TATDN3: variants seen among roughly 807,000 people sequenced by gnomAD.
The protein encoded by TATDN3 is deoxyribonuclease TATDN3.
TATDN3 carries 29 observed loss-of-function variants against 40.1 expected under a neutral mutation model. That is an observed-to-expected ratio of 0.72 (90% CI 0.54 to 0.99). TATDN3 has a LOEUF of 0.99. TATDN3 is among the 50% of genes least tolerant of loss of function. The probability of loss-of-function intolerance (pLI) is 0.00; values close to 1 mark genes in which losing one functional copy is unlikely to be tolerated. For missense variants in TATDN3, 309 were observed against 321.9 expected (o/e 0.96, Z 0.31); for synonymous variants, 105 against 117.0 (o/e 0.90, Z 0.66).
chr1:212,813,027 ATG>A (rs1558088319), intron 9 of TATDN3, among the ~76,000 whole-genome samples: 2 of 152,198 alleles, frequency 1.3e-5, no homozygotes, highest in East Asian at 3.9e-4. Flanking sequence ...AGAAAAGATT[ATG>A]GTAAGTATTA....
At chr1:212,802,422 C>T (rs1413756773) in intron 4 of TATDN3, among the ~76,000 whole-genome samples, 1 of 152,176 alleles carries the variant, frequency 6.6e-6, no homozygotes, top group Non-Finnish European at 1.5e-5. Flanking sequence ...TCCTAAATGT[C>T]AGGAAATACC....
intron 8 of TATDN3, among the ~76,000 whole-genome samples, chr1:212,809,469 G>A (rs921565916): frequency 1.6e-4 from 24 of 152,192 alleles, no homozygotes; most frequent in African/African-American, 5.1e-4. Context: ...CAGATCACGA[G>A]GTCAGGAGAT....
chr1:212,807,266 T>C (rs1662599188), intron 7 of TATDN3, among the ~76,000 whole-genome samples: 1 of 151,992 alleles, frequency 6.6e-6, no homozygotes, highest in Non-Finnish European at 1.5e-5. Context: ...ATTAGTTTAT[T>C]TTTTGAGACA....
At chr1:212,809,207 A>G (rs1662715953) in intron 8 of TATDN3, among the ~76,000 whole-genome samples, 1 of 152,182 alleles carries the variant, frequency 6.6e-6, no homozygotes, top group African/African-American at 2.4e-5. Flanking sequence ...GGTTTCCAGA[A>G]TTTTGAGGGG....
chr1:212,816,526 A>G lies in TATDN3; in HGVS notation c.*1370A>G, dbSNP rs527738998. ...ATATGTAGTTTAACAGGTGTGGTCA[A>G]TATCAAAACTTAGGTATTTAATCTT... On this transcript the variant is annotated 3_prime_UTR_variant, in exon 10 of 10. Coordinates refer to ENST00000366974, the MANE Select transcript of TATDN3 (RefSeq NM_001042552.3). 151 of 152,344 alleles carry G rather than the reference A, an allele frequency of 9.9e-4. No individual in the cohort carries two copies. Among genetic ancestry groups the G allele is most frequent in the African/African-American group, 3.2e-3 (134 of 41,580 alleles). The allele number at this position is 152,344 out of a possible 1,614,324, so 9.4% of individuals were successfully genotyped here. A position where few individuals can be genotyped will look rare whatever the true frequency, so the allele number is the denominator to read the frequency against.
At chr1:212,810,867 T>C (rs1217384727) in intron 8 of TATDN3, among the ~76,000 whole-genome samples, 1 of 152,180 alleles carries the variant, frequency 6.6e-6, no homozygotes, top group East Asian at 1.9e-4. Flanking sequence ...TCATTTTTGC[T>C]ATGGTTACTA....
chr1:212,795,044 A>G, intron 1 of TATDN3, 51 bp from the exon 2 acceptor site: 1 of 1,449,434 alleles, frequency 6.9e-7, no homozygotes, highest in Non-Finnish European at 9.7e-7. Flanking sequence ...ACAGTCCAAG[A>G]TTAGCTGCTT....
intron 2 of TATDN3, among the ~76,000 whole-genome samples, chr1:212,795,739 A>G (rs1661714248): frequency 6.6e-6 from 1 of 152,188 alleles, no homozygotes; most frequent in South Asian, 2.1e-4. Flanking sequence ...AGTGTTTGCT[A>G]CATGCCAGGT....
At chr1:212,803,522 T>C (rs1662288188) in intron 5 of TATDN3, among the ~76,000 whole-genome samples, 1 of 152,002 alleles carries the variant, frequency 6.6e-6, no homozygotes, top group Admixed American at 6.6e-5. Context: ...ATAAATTCCA[T>C]TTTTAATTAG....
chr1:212,800,310 T>C (rs1212024218), intron 4 of TATDN3, among the ~76,000 whole-genome samples: 3 of 151,842 alleles, frequency 2.0e-5, no homozygotes, highest in Admixed American at 6.6e-5. Context: ...GGCATTAATA[T>C]AGAATTGATT....
chr1:212,795,486 G>A (rs940284722), intron 2 of TATDN3, among the ~76,000 whole-genome samples: 2 of 152,076 alleles, frequency 1.3e-5, no homozygotes, highest in African/African-American at 4.8e-5. Flanking sequence ...GGCCAGGCTG[G>A]TCTTGAACTC....
At chr1:212,799,009 T>C (rs1190380857) in intron 4 of TATDN3, among the ~76,000 whole-genome samples, 1 of 152,226 alleles carries the variant, frequency 6.6e-6, no homozygotes, top group Non-Finnish European at 1.5e-5. Context: ...GCAACCTGAA[T>C]GCTACAAAGG....
chr1:212,801,513 A>G (rs938043244), intron 4 of TATDN3, among the ~76,000 whole-genome samples: 27 of 152,196 alleles, frequency 1.8e-4, no homozygotes, highest in African/African-American at 6.5e-4. Flanking sequence ...TAGGTAATAC[A>G]TATTCCAAGA....
intron 4 of TATDN3, chr1:212,797,474 T>G (rs1268553243): frequency 3.1e-6 from 1 of 320,280 alleles, no homozygotes; most frequent in Non-Finnish European, 5.8e-6. Context: ...TTATAGCACA[T>G]GGAAAATACT....
intron 3 of TATDN3, 70 bp from the exon 4 acceptor site, chr1:212,797,042 T>C: frequency 8.0e-7 from 1 of 1,243,750 alleles, no homozygotes; most frequent in Non-Finnish European, 1.2e-6. Flanking sequence ...GACCTCTACT[T>C]ATTCTTTAGA....
At chr1:212,798,363 A>G (rs1661932841) in intron 4 of TATDN3, among the ~76,000 whole-genome samples, 1 of 151,732 alleles carries the variant, frequency 6.6e-6, no homozygotes, top group Non-Finnish European at 1.5e-5. Context: ...CTCTCTTCCT[A>G]TATTAAGATA....
rs144818467 is a variant in TATDN3, at chr1:212,798,871, G to A, written c.258+1675G>A. Among the ~76,000 whole-genome samples the A allele has an allele frequency of 3.6e-3, 541 of 152,326 alleles. 7 individuals carry two copies. The highest frequency in any genetic ancestry group is 0.012 in the African/African-American group (518 of 41,578). ...CCAGACAGACAGTCAACAATTACAT[G>A]AGCAGGAAAACTTTCGATAGCACTA... is the stretch of plus-strand genomic sequence containing the variant. On this transcript the variant is annotated intron_variant, in intron 4 of 9. Transcript: ENST00000366974.
chr1:212,798,886 C>T (rs1478244623), intron 4 of TATDN3, among the ~76,000 whole-genome samples: 1 of 152,168 alleles, frequency 6.6e-6, no homozygotes, highest in South Asian at 2.1e-4. Flanking sequence ...GGAAAACTTT[C>T]GATAGCACTA....
chr1:212,810,680 G>A (rs1279886271), intron 8 of TATDN3, among the ~76,000 whole-genome samples: 3 of 151,998 alleles, frequency 2.0e-5, no homozygotes, highest in Admixed American at 1.3e-4. Context: ...GAGCCAGACT[G>A]TGTCTCAAAA....
Sources: gnomAD v4.1 joint callset for allele counts (sites outside exome capture counted in the v4.1 genomes callset) on GRCh38, gnomAD v4.1.1 for gene constraint, MANE v1.5 for transcripts, NCBI Gene and HGNC (gene_info 2026-07-23, HGNC 2026-07-21) for gene names.